Variants in RAB2A observed in about 807,000 individuals in gnomAD.
RAB2A encodes the protein RAB2A, member RAS oncogene family.
In RAB2A, 7 loss-of-function variants were observed where a neutral mutation model predicts 32.5. The ratio of observed to expected loss-of-function variants is 0.22; its 90% CI spans 0.12 to 0.40. The LOEUF (loss-of-function observed/expected upper bound fraction) is 0.40, where lower values mean the gene tolerates loss of function less well. Ranked by LOEUF, RAB2A falls within the 10% of genes least tolerant of loss-of-function variation. RAB2A has a pLI of 1.00. For missense variants in RAB2A, 108 were observed against 260.7 expected (o/e 0.41, Z 4.03); for synonymous variants, 79 against 85.2 (o/e 0.93, Z 0.40).
chr8:60,605,678 T>A (rs1305356173), intron 6 of RAB2A, among the ~76,000 whole-genome samples: 1 of 152,142 alleles, frequency 6.6e-6, no homozygotes, highest in Non-Finnish European at 1.5e-5. Context: ...ACTGCCCTGC[T>A]GGGTTTTGAA....
At chr8:60,619,207 T>G (rs1470773429) in intron 7 of RAB2A, 2 of 152,200 alleles carry the variant, frequency 1.3e-5, no homozygotes, top group Non-Finnish European at 2.9e-5. Flanking sequence ...CCTGTTTTGG[T>G]CAACATGATT....
intron 7 of RAB2A, among the ~76,000 whole-genome samples, chr8:60,619,935 G>A (rs1022859522): frequency 4.6e-5 from 7 of 152,196 alleles, no homozygotes; most frequent in Admixed American, 6.5e-5. Context: ...TCAAAAGAGC[G>A]AAAAGAAACC....
At chr8:60,521,002 G>A (rs1399102799) in intron 1 of RAB2A, among the ~76,000 whole-genome samples, 2 of 152,112 alleles carry the variant, frequency 1.3e-5, no homozygotes, top group African/African-American at 4.8e-5. Context: ...TTTTTGTAGA[G>A]ATGGGCTCTC....
intron 5 of RAB2A, among the ~76,000 whole-genome samples, chr8:60,588,577 C>G (rs1803884515): frequency 6.6e-6 from 1 of 152,040 alleles, no homozygotes; most frequent in Non-Finnish European, 1.5e-5. Flanking sequence ...AAACTCAGAC[C>G]AAAAATACCA....
At chr8:60,531,798 A>ATTTTTTTTTTTTTTT (rs11320293) in intron 1 of RAB2A, among the ~76,000 whole-genome samples, 43 of 129,692 alleles carry the variant, frequency 3.3e-4, no homozygotes, top group African/African-American at 1.1e-3. Context: ...TTCTACCTTG[A>ATTTTTTTTTTTTTTT]TTTTTTTTTT....
At chr8:60,545,107 C>T (rs1807707518) in intron 1 of RAB2A, among the ~76,000 whole-genome samples, 1 of 152,084 alleles carries the variant, frequency 6.6e-6, no homozygotes, top group Non-Finnish European at 1.5e-5. Flanking sequence ...AGAATCATCA[C>T]TAATATTGAC....
At chr8:60,546,529 G>T (rs1807729847) in intron 1 of RAB2A, among the ~76,000 whole-genome samples, 1 of 152,180 alleles carries the variant, frequency 6.6e-6, no homozygotes, top group African/African-American at 2.4e-5. Context: ...TAGCATTAAA[G>T]AAAGGATAAA....
Position 60,517,033 on chromosome 8 carries a change from G to A in RAB2A, c.-175G>A. ...GGGCGCTGTCTCCCTCGGCTCTGCG[G>A]GTGTCAGTTCGTCCGGCTTCCTCAC... On this transcript the variant is annotated 5_prime_UTR_variant, in exon 1 of 8. Transcript: ENST00000262646. The A allele has an allele frequency of 7.4e-6, 4 of 542,244 alleles. No homozygotes were observed. Among genetic ancestry groups the A allele is most frequent in the South Asian group, 3.1e-5 (1 of 32,638 alleles). The allele number at this position is 542,244 out of a possible 1,614,324, so 33.6% of individuals were successfully genotyped here.
At chr8:60,605,118 C>G (rs529254833) in intron 6 of RAB2A, among the ~76,000 whole-genome samples, 74 of 152,268 alleles carry the variant, frequency 4.9e-4, no homozygotes, top group African/African-American at 1.6e-3. Context: ...GCATCCCAGC[C>G]ACTTTAGTTC....
At chr8:60,550,562 T>G (rs2130824946) in intron 1 of RAB2A, among the ~76,000 whole-genome samples, 1 of 152,160 alleles carries the variant, frequency 6.6e-6, no homozygotes, top group African/African-American at 2.4e-5. Flanking sequence ...TTTTTGTATT[T>G]TTTTTGTAGA....
intron 2 of RAB2A, among the ~76,000 whole-genome samples, chr8:60,564,030 C>T (rs1341583457): frequency 6.6e-6 from 1 of 152,212 alleles, no homozygotes; most frequent in Admixed American, 6.5e-5. Context: ...ATTTTAATTT[C>T]TTGGACACTC....
In RAB2A at chr8:60,517,234, C is replaced by T. The variant is rs1303258469; in HGVS notation, c.27C>T (p.Tyr9=). The part of the protein sequence containing the change: MAYAYLFK[Y]IIIGDTGVGK... ...TGGCGTACGCCTATCTCTTCAAGTA[C>T]ATCATAATCGGCGACACAGGTGAGG... is the stretch of plus-strand genomic sequence containing the variant. Residue 9 remains tyrosine, a synonymous_variant, in exon 1 of 8, where the codon TAC becomes TAT. Coordinates refer to ENST00000262646, the MANE Select transcript of RAB2A (RefSeq NM_002865.3). The T allele has an allele frequency of 2.7e-6, 4 of 1,490,044 alleles. No homozygotes were observed. The highest frequency in any genetic ancestry group is 2.4e-5 in the Admixed American group (1 of 42,538). The allele number at this position is 1,490,044 out of a possible 1,614,324, so 92.3% of individuals were successfully genotyped here. A position where few individuals can be genotyped will look rare whatever the true frequency, so the allele number is the denominator to read the frequency against.
At chr8:60,525,435 C>T (rs897383196) in intron 1 of RAB2A, among the ~76,000 whole-genome samples, 3 of 152,084 alleles carry the variant, frequency 2.0e-5, no homozygotes, top group South Asian at 2.1e-4. Context: ...TACCCAGTCT[C>T]GGGTAGTATC....
chr8:60,545,625 T>C (rs545012141), intron 1 of RAB2A, among the ~76,000 whole-genome samples: 13 of 152,300 alleles, frequency 8.5e-5, no homozygotes, highest in Admixed American at 1.3e-4. Flanking sequence ...TGTTACCTCA[T>C]TGACTTGGTA....
chr8:60,516,972 G>C (rs1427933573), upstream of RAB2A: 3 of 414,736 alleles, frequency 7.2e-6, no homozygotes, highest in Admixed American at 4.6e-5. Context: ...GGGCGGAGGC[G>C]CCGCGGCGGC....
At chr8:60,592,477 C>A (rs760569860) in intron 6 of RAB2A, among the ~76,000 whole-genome samples, 1 of 151,442 alleles carries the variant, frequency 6.6e-6, no homozygotes, top group South Asian at 2.1e-4. Flanking sequence ...GACAGCAGAA[C>A]GTTTGTAGCT....
intron 1 of RAB2A, among the ~76,000 whole-genome samples, chr8:60,547,812 C>T (rs1394540821): frequency 8.6e-6 from 1 of 116,822 alleles, no homozygotes; most frequent in East Asian, 2.8e-4. Flanking sequence ...CCGGATGGGG[C>T]GGCTGGCCGG....
intron 1 of RAB2A, among the ~76,000 whole-genome samples, chr8:60,554,080 CT>C (rs1807898563): frequency 1.3e-5 from 2 of 152,226 alleles, no homozygotes; most frequent in African/African-American, 4.8e-5. Context: ...CAAAAAGAAC[CT>C]TGTGTACTGT....
intron 6 of RAB2A, among the ~76,000 whole-genome samples, chr8:60,615,492 A>AAT (rs1444247869): frequency 2.6e-5 from 4 of 152,286 alleles, no homozygotes; most frequent in Admixed American, 2.6e-4. Flanking sequence ...CTATACCTTA[A>AAT]AAAGTTTATA....
Sources: allele counts gnomAD v4.1 joint callset (sites outside exome capture counted in the v4.1 genomes callset), GRCh38; gene constraint gnomAD v4.1.1; transcripts MANE v1.5; gene names NCBI Gene and HGNC (gene_info 2026-07-23, HGNC 2026-07-21).